HDAC4: variants seen among roughly 807,000 people sequenced by gnomAD.
The protein encoded by HDAC4 is histone deacetylase 4, also known as histone deacetylase A.
HDAC4 carries 16 observed loss-of-function variants against 135.1 expected under a neutral mutation model. The observed-to-expected ratio is 0.12, with a 90% CI of 0.08 to 0.18. The LOEUF is 0.18. Among genes scored for constraint, HDAC4 ranks in the 10% least tolerant of loss-of-function variants. The probability of loss-of-function intolerance (pLI) is 1.00; values close to 1 mark genes in which losing one functional copy is unlikely to be tolerated. For missense variants in HDAC4, 1,143 were observed against 1,511.8 expected (o/e 0.76, Z 4.05); for synonymous variants, 685 against 653.4 (o/e 1.05, Z -0.74).
intron 2 of HDAC4, among the ~76,000 whole-genome samples, chr2:239,317,456 T>C (rs1233954993): frequency 1.3e-5 from 2 of 151,440 alleles, no homozygotes; most frequent in African/African-American, 4.9e-5. Context: ...ACAGGGTAAG[T>C]ACAGGCGAGA....
intron 2 of HDAC4, among the ~76,000 whole-genome samples, chr2:239,242,114 A>AAGAAAGAAAGAAGGAGAAAG (rs1263425356): frequency 2.0e-5 from 3 of 151,262 alleles, no homozygotes; most frequent in Non-Finnish European, 2.9e-5. Flanking sequence ...GAAAAAAAGA[A>AAGAAAGAAAGAAGGAGAAAG]AGAAAGAAAG....
At chr2:239,110,554 G>T (rs1167229718) in intron 14 of HDAC4, among the ~76,000 whole-genome samples, 1 of 152,194 alleles carries the variant, frequency 6.6e-6, no homozygotes, top group Non-Finnish European at 1.5e-5. Context: ...TTACTTGCTG[G>T]ATACCTACTC....
intron 22 of HDAC4, among the ~76,000 whole-genome samples, chr2:239,075,721 C>T (rs773636806): frequency 2.6e-5 from 4 of 152,238 alleles, no homozygotes; most frequent in Non-Finnish European, 4.4e-5. Flanking sequence ...CCTTCGTTAC[C>T]GACACAGCAC....
chr2:239,053,140 T>C lies in HDAC4; in HGVS notation c.3231-4A>G, dbSNP rs372964703. 4 of 1,614,014 alleles carry C rather than the reference T, an allele frequency of 2.5e-6. No individual in the cohort carries two copies. The African/African-American group carries it at 5.3e-5, about 22-fold the overall frequency. ...TTCCATGGGCTCCTCATCTGGTCTG[T>C]GGATCCCGCAAGAGAAGGAGATGGG... On this transcript the variant is annotated splice_polypyrimidine_tract_variant and splice_region_variant and intron_variant, in intron 26 of 26. Coordinates refer to ENST00000543185, the MANE Select transcript of HDAC4 (RefSeq NM_001378414.1).
At chr2:239,054,690 G>T in intron 25 of HDAC4, 59 bp downstream of exon 25, 1 of 1,051,302 alleles carries the variant, frequency 9.5e-7, no homozygotes, top group Non-Finnish European at 1.5e-6. Context: ...GGGATGGGGT[G>T]TGGTGCAGTC....
intron 9 of HDAC4, among the ~76,000 whole-genome samples, chr2:239,137,619 G>T (rs1008515840): frequency 1.4e-4 from 21 of 152,138 alleles, no homozygotes; most frequent in African/African-American, 4.3e-4. Context: ...AGGCTGGGAG[G>T]CCCCTGCTCC....
In HDAC4 at chr2:239,229,678, T is replaced by C. The variant is rs114965222; in HGVS notation, c.94+6915A>G. 3.8e-3 allele frequency among the ~76,000 whole-genome samples: 585 copies of C among 152,188 alleles called. 3 individuals carry two copies. The highest frequency in any genetic ancestry group is 0.014 in the African/African-American group (562 of 41,518). On this transcript the variant is annotated intron_variant, in intron 3 of 26. Transcript: ENST00000543185. ...CCCAGAACATCTTGAAGAAGTAGGGTGAGGACCTCACAGATCCTAGGCAGA... is the reference window on the plus strand; with the variant it reads ...CCCAGAACATCTTGAAGAAGTAGGGCGAGGACCTCACAGATCCTAGGCAGA...
chr2:239,352,471 C>T lies in HDAC4; in HGVS notation c.22+207G>A, dbSNP rs1693232336. 1.3e-5 allele frequency among the ~76,000 whole-genome samples: 2 copies of T among 152,194 alleles called. No individual in the cohort carries two copies. Among genetic ancestry groups the T allele is most frequent in the South Asian group, 2.1e-4 (1 of 4,832 alleles). On this transcript the variant is annotated intron_variant, in intron 2 of 26. Transcript: ENST00000543185. This position sits in a 1 kb window ranked among gnomAD's most constrained non-coding sequence, Gnocchi z 4.4. ...AACCGGGGTCGCAGACTTGACTCCA[C>T]ATCCTCCCAGGTTTTATCATTCTTC...
chr2:239,146,246 A>G lies in HDAC4; in HGVS notation c.734-1532T>C, dbSNP rs57771943. On this transcript the variant is annotated intron_variant, in intron 7 of 26. Transcript: ENST00000543185. The surrounding 1 kb of genome is among the most constrained non-coding windows in gnomAD (Gnocchi z 4.5). ...AAAAGACAAAACAAAACCAAAAAAA[A>G]CAAGCCAAAAAACCCAACTGATGAC... is the stretch of plus-strand genomic sequence containing the variant. Among the ~76,000 whole-genome samples, 5,066 of 152,274 alleles carry G rather than the reference A, an allele frequency of 0.033. 319 individuals carry two copies. Among genetic ancestry groups the G allele is most frequent in the African/African-American group, 0.12 (4,779 of 41,534 alleles).
At chr2:239,082,260 GTATT>G in intron 20 of HDAC4, 39 bp from the exon 21 acceptor site, 3 of 1,613,998 alleles carry the variant, frequency 1.9e-6, no homozygotes, top group Non-Finnish European at 2.5e-6. Context: ...GCTGAGGCAG[GTATT>G]GGAGGGTGGC....
intron 1 of HDAC4, among the ~76,000 whole-genome samples, chr2:239,365,778 C>T (rs1176770442): frequency 6.6e-6 from 1 of 151,732 alleles, no homozygotes; most frequent in Non-Finnish European, 1.5e-5. Context: ...CACAGACACG[C>T]ATGCACAGAC....
chr2:239,367,009 G>A lies in HDAC4; in HGVS notation c.-219-14091C>T, dbSNP rs1370549748. 2.2e-5 allele frequency among the ~76,000 whole-genome samples: 3 copies of A among 136,792 alleles called. 1 individual carries two copies. The highest frequency in any genetic ancestry group is 1.1e-4 in the African/African-American group (3 of 26,940). The allele number at this position is 136,792 out of a possible 152,430, so 89.7% of individuals were successfully genotyped here. A position where few individuals can be genotyped will look rare whatever the true frequency, so the allele number is the denominator to read the frequency against. ...AACATGCCTGAAAGCCTCCGTCACT[G>A]ACAGGCACTTGCGGATGGAAAACAA... On this transcript the variant is annotated intron_variant, in intron 1 of 26. Coordinates refer to ENST00000543185, the MANE Select transcript of HDAC4 (RefSeq NM_001378414.1).
intron 2 of HDAC4, among the ~76,000 whole-genome samples, chr2:239,257,808 C>A (rs1328779691): frequency 1.3e-5 from 2 of 152,144 alleles, no homozygotes; most frequent in Non-Finnish European, 2.9e-5. Context: ...CACACACTTA[C>A]ACATTCACAT....
At chr2:239,265,584 C>T (rs191657472) in intron 2 of HDAC4, among the ~76,000 whole-genome samples, 57 of 152,294 alleles carry the variant, frequency 3.7e-4, no homozygotes, top group African/African-American at 1.3e-3. Flanking sequence ...GCCCCTGACT[C>T]TCCTGCTCCG....
At chr2:239,315,901 G>T (rs2053095174) in intron 2 of HDAC4, among the ~76,000 whole-genome samples, 1 of 152,164 alleles carries the variant, frequency 6.6e-6, no homozygotes, top group Non-Finnish European at 1.5e-5. Context: ...ATACATGGAG[G>T]AAAAACCTTT....
intron 3 of HDAC4, among the ~76,000 whole-genome samples, chr2:239,222,490 G>T (rs1248305826): frequency 1.4e-5 from 2 of 139,126 alleles, no homozygotes; most frequent in Admixed American, 1.5e-4. Flanking sequence ...GTGCACAAAT[G>T]TACTTCCTGG....
intron 2 of HDAC4, among the ~76,000 whole-genome samples, chr2:239,246,398 C>T (rs1438019741): frequency 1.3e-5 from 2 of 152,222 alleles, no homozygotes; most frequent in East Asian, 1.9e-4. Flanking sequence ...GGCCACAGGA[C>T]GCGAGGAGCA....
At chr2:239,231,664 AGGCTGCT>A in intron 3 of HDAC4, among the ~76,000 whole-genome samples, 8 of 68,124 alleles carry the variant, frequency 1.2e-4, no homozygotes, top group African/African-American at 3.6e-4. Context: ...TCCTCAACCG[AGGCTGCT>A]GAGCACCTGC....
Position 239,400,547 on chromosome 2 carries a change from G to A in HDAC4, c.-220+431C>T, listed in dbSNP as rs1696906958. ...GGTCCCACGGCGCGCGGCCAGCGCTGGCCCCCGCCTCCCACGGCCGCGCGC... is the reference window on the plus strand; with the variant it reads ...GGTCCCACGGCGCGCGGCCAGCGCTAGCCCCCGCCTCCCACGGCCGCGCGC... On this transcript the variant is annotated intron_variant, in intron 1 of 26. Coordinates refer to ENST00000543185, the MANE Select transcript of HDAC4 (RefSeq NM_001378414.1). This position sits in a 1 kb window ranked among gnomAD's most constrained non-coding sequence, Gnocchi z 4.7. The A allele has an allele frequency of 6.9e-6, 1 of 145,732 alleles. No individual in the cohort carries two copies. Among genetic ancestry groups the A allele is most frequent in the South Asian group, 2.1e-4 (1 of 4,804 alleles). The allele number at this position is 145,732 out of a possible 1,614,324, so 9.0% of individuals were successfully genotyped here. A position where few individuals can be genotyped will look rare whatever the true frequency, so the allele number is the denominator to read the frequency against.
Sources: allele counts gnomAD v4.1 joint callset (sites outside exome capture counted in the v4.1 genomes callset), GRCh38; gene constraint gnomAD v4.1.1; non-coding constraint Gnocchi (gnomAD v3.1); transcripts MANE v1.5; gene names NCBI Gene and HGNC (gene_info 2026-07-23, HGNC 2026-07-21).